The following FRZB variants were observed in gnomAD, a reference collection of about 807,000 sequenced individuals.
FRZB encodes the protein frizzled related protein.
A neutral mutation model predicts 32.5 loss-of-function variants in FRZB; 34 were observed. The ratio of observed to expected loss-of-function variants is 1.05; its 90% CI spans 0.80 to 1.39. FRZB has a LOEUF of 1.39. Ranked by LOEUF, FRZB falls within the 40% of genes most tolerant of loss-of-function variation. FRZB has a pLI of 0.00. For synonymous variants in FRZB, 170 were observed against 159.2 expected, an observed-to-expected ratio of 1.07 and a Z score of -0.51; for missense variants, 423 against 424.8, an observed-to-expected ratio of 1.00 and a Z score of 0.04.
chr2:182,857,733 A>G (rs1695786664), intron 2 of FRZB, among the ~76,000 whole-genome samples: 1 of 152,128 alleles, frequency 6.6e-6, no homozygotes, highest in Non-Finnish European at 1.5e-5. Flanking sequence ...TAAAATTGAA[A>G]ACAGTGAAAC....
At chr2:182,858,926 G>A (rs2105763298) in intron 1 of FRZB, 93 bp from the exon 2 acceptor site, 1 of 1,047,168 alleles carries the variant, frequency 9.5e-7, no homozygotes, top group Non-Finnish European at 1.5e-6. Context: ...TTTGATTTGG[G>A]TAAGAATCCA....
intron 2 of FRZB, among the ~76,000 whole-genome samples, chr2:182,847,828 T>G (rs1695662938): frequency 6.6e-6 from 1 of 152,174 alleles, no homozygotes; most frequent in African/African-American, 2.4e-5. Flanking sequence ...ATCTTGATTG[T>G]CTATTTGAAT....
At chr2:182,848,686 A>C (rs1310512050) in intron 2 of FRZB, among the ~76,000 whole-genome samples, 4 of 152,224 alleles carry the variant, frequency 2.6e-5, no homozygotes, top group Admixed American at 1.3e-4. Context: ...TAGGAACCAT[A>C]TAGAAGTCAT....
At chr2:182,852,313 T>G (rs1408263549) in intron 2 of FRZB, among the ~76,000 whole-genome samples, 1 of 152,190 alleles carries the variant, frequency 6.6e-6, no homozygotes, top group African/African-American at 2.4e-5. Context: ...AGTTGCTCAG[T>G]GGCCACCAGG....
intron 1 of FRZB, among the ~76,000 whole-genome samples, chr2:182,863,294 A>C (rs1384943364): frequency 6.6e-6 from 1 of 152,244 alleles, no homozygotes; most frequent in African/African-American, 2.4e-5. Context: ...TGAATGACTC[A>C]ATTGAGCTGA....
intron 1 of FRZB, among the ~76,000 whole-genome samples, chr2:182,864,305 G>A (rs1695866545): frequency 6.6e-6 from 1 of 152,154 alleles, no homozygotes; most frequent in Non-Finnish European, 1.5e-5. Context: ...TGCTTTACGG[G>A]GAGGAATGCA....
chr2:182,859,240 G>T (rs887036016), intron 1 of FRZB, among the ~76,000 whole-genome samples: 5 of 151,660 alleles, frequency 3.3e-5, no homozygotes, highest in Admixed American at 1.3e-4. Context: ...CACTGAACTG[G>T]TATATATTTA....
At position 182,838,580 on chromosome 2, in the gene FRZB, T is replaced by A. The variant is rs760299089; in HGVS notation, c.626A>T (p.Lys209Met). The A allele has an allele frequency of 6.2e-7, 1 of 1,612,804 alleles. No individual in the cohort carries two copies. Among genetic ancestry groups the A allele is most frequent in the Non-Finnish European group, 8.5e-7 (1 of 1,179,088 alleles). ...CACTACTGCAGTCACATCATGGCACTTAGTCTTTATCTCTTTAACTTTAGC... is the reference window on the plus strand; with the variant it reads ...CACTACTGCAGTCACATCATGGCACATAGTCTTTATCTCTTTAACTTTAGC... Reference protein sequence around the residue: ...IRAKVKEIKTKCHDVTAVVEV... With the variant: ...IRAKVKEIKTMCHDVTAVVEV... The change falls in exon 4 of 6, where the codon AAG becomes ATG. Residue 209 changes from lysine (K) to methionine (M), a missense_variant. Coordinates refer to ENST00000295113, the MANE Select transcript of FRZB (RefSeq NM_001463.4).
At chr2:182,861,701 A>C (rs1260638481) in intron 1 of FRZB, among the ~76,000 whole-genome samples, 4 of 152,234 alleles carry the variant, frequency 2.6e-5, no homozygotes, top group African/African-American at 9.6e-5. Flanking sequence ...ATTCAAAACT[A>C]TCTCTATTTG....
chr2:182,846,152 T>C (rs945106697), intron 2 of FRZB, among the ~76,000 whole-genome samples: 1 of 152,234 alleles, frequency 6.6e-6, no homozygotes, highest in Non-Finnish European at 1.5e-5. Context: ...CTAGTATTTT[T>C]GATATGATCT....
intron 2 of FRZB, among the ~76,000 whole-genome samples, chr2:182,855,189 A>C (rs1024896039): frequency 6.6e-6 from 1 of 152,234 alleles, no homozygotes; most frequent in Non-Finnish European, 1.5e-5. Context: ...AAATTAAAAA[A>C]AGAAAATCAG....
Position 182,838,328 on chromosome 2 carries a change from G to A in FRZB, c.797+81C>T, listed in dbSNP as rs180673879. The A allele has an allele frequency of 3.6e-3, 4,219 of 1,174,200 alleles. 9 individuals are homozygous for A. The highest frequency in any genetic ancestry group is 4.4e-3 in the Non-Finnish European group (3,570 of 804,246). The allele number at this position is 1,174,200 out of a possible 1,614,324, so 72.7% of individuals were successfully genotyped here. A position where few individuals can be genotyped will look rare whatever the true frequency, so the allele number is the denominator to read the frequency against. On this transcript the variant is annotated intron_variant, in intron 4 of 5. Coordinates refer to ENST00000295113, the MANE Select transcript of FRZB (RefSeq NM_001463.4). The stretch of plus-strand genomic sequence containing the variant: ...TAGACAGATCCCAATGTAAAAATGC[G>A]AGGGTAGCATCTCTAGAGACAAATT...
intron 1 of FRZB, among the ~76,000 whole-genome samples, chr2:182,860,450 A>T (rs954026809): frequency 2.6e-5 from 4 of 152,158 alleles, no homozygotes; most frequent in Non-Finnish European, 4.4e-5. Flanking sequence ...TCCTGGTGAG[A>T]AATGGTAAGG....
At chr2:182,839,546 A>G (rs1053733692) in intron 3 of FRZB, among the ~76,000 whole-genome samples, 2 of 152,030 alleles carry the variant, frequency 1.3e-5, no homozygotes, top group Admixed American at 6.6e-5. Context: ...TTACTTATCA[A>G]TGTAACAACA....
At chr2:182,850,988 A>G (rs379715) in intron 2 of FRZB, among the ~76,000 whole-genome samples, 151,574 of 152,332 alleles carry the variant, frequency 1, 75,413 homozygotes, top group Middle Eastern at 1. Flanking sequence ...AAATTTTTTC[A>G]TATACCTGTT....
chr2:182,841,514 A>C (rs1695586031), intron 3 of FRZB, among the ~76,000 whole-genome samples: 2 of 152,260 alleles, frequency 1.3e-5, no homozygotes, highest in Admixed American at 1.3e-4. Flanking sequence ...ATGTTTACTC[A>C]TTGACTCAAC....
At chr2:182,864,499 C>T (rs1486883877) in intron 1 of FRZB, among the ~76,000 whole-genome samples, 3 of 152,170 alleles carry the variant, frequency 2.0e-5, no homozygotes, top group Non-Finnish European at 2.9e-5. Flanking sequence ...AGATTAATAG[C>T]AAATACATTT....
intron 5 of FRZB, among the ~76,000 whole-genome samples, chr2:182,836,800 T>C (rs1330197414): frequency 6.6e-6 from 1 of 152,018 alleles, no homozygotes; most frequent in East Asian, 1.9e-4. Context: ...TGAAGAGAGA[T>C]GCAGAGAGAA....
chr2:182,837,332 A>G (rs954313820), intron 5 of FRZB, among the ~76,000 whole-genome samples: 7 of 152,044 alleles, frequency 4.6e-5, no homozygotes, highest in African/African-American at 9.7e-5. Context: ...GAATGTAGCT[A>G]CACTTTGTAC....
Sources: gnomAD v4.1 joint callset for allele counts (sites outside exome capture counted in the v4.1 genomes callset) on GRCh38, gnomAD v4.1.1 for gene constraint, MANE v1.5 for transcripts, NCBI Gene and HGNC (gene_info 2026-07-23, HGNC 2026-07-21) for gene names.